The following SLC35F1 variants were observed in gnomAD, a reference collection of about 807,000 sequenced individuals.
SLC35F1 encodes solute carrier family 35 member F1.
A neutral mutation model predicts 48.7 loss-of-function variants in SLC35F1; 14 were observed. The observed-to-expected ratio is 0.29, with a 90% CI of 0.19 to 0.45. The LOEUF is 0.45. Ranked by LOEUF, SLC35F1 falls within the 20% of genes least tolerant of loss-of-function variation. The pLI is 1.00. For missense variants in SLC35F1, 404 were observed against 500.0 expected (o/e 0.81, Z 1.83); for synonymous variants, 190 against 202.2 (o/e 0.94, Z 0.51).
At chr6:117,951,160 C>T (rs1362247129) in intron 1 of SLC35F1, among the ~76,000 whole-genome samples, 1 of 152,074 alleles carries the variant, frequency 6.6e-6, no homozygotes, top group Non-Finnish European at 1.5e-5. Context: ...GCACAGAGCC[C>T]AGAATCCTTC....
chr6:118,066,776 C>A (rs1582646890), intron 1 of SLC35F1, among the ~76,000 whole-genome samples: 1 of 140,928 alleles, frequency 7.1e-6, no homozygotes, highest in Non-Finnish European at 1.5e-5. Flanking sequence ...GACAGAGTCT[C>A]GCTCTGTCAC....
At chr6:118,308,401 G>A (rs563323362) in intron 7 of SLC35F1, among the ~76,000 whole-genome samples, 1 of 152,172 alleles carries the variant, frequency 6.6e-6, no homozygotes, top group Non-Finnish European at 1.5e-5. Flanking sequence ...GGAATAATGT[G>A]CCTGTTGAAA....
intron 1 of SLC35F1, among the ~76,000 whole-genome samples, chr6:118,059,623 G>A (rs1391773929): frequency 6.6e-6 from 1 of 152,172 alleles, no homozygotes; most frequent in Non-Finnish European, 1.5e-5. Context: ...AAACCCAGGT[G>A]TGGGAAGTAC....
At chr6:118,123,807 T>G (rs1349244565) in intron 1 of SLC35F1, among the ~76,000 whole-genome samples, 1 of 152,180 alleles carries the variant, frequency 6.6e-6, no homozygotes, top group Non-Finnish European at 1.5e-5. Flanking sequence ...TGAGTCAAAA[T>G]GGTAATTCTA....
intron 7 of SLC35F1, among the ~76,000 whole-genome samples, chr6:118,309,142 T>C (rs1156863024): frequency 6.6e-6 from 1 of 151,178 alleles, no homozygotes; most frequent in African/African-American, 2.4e-5. Context: ...AGGCAGATGG[T>C]ATCAGGTCAC....
At chr6:118,052,439 A>G (rs977330525) in intron 1 of SLC35F1, among the ~76,000 whole-genome samples, 1 of 152,208 alleles carries the variant, frequency 6.6e-6, no homozygotes, top group Non-Finnish European at 1.5e-5. Context: ...CCTAGTTACT[A>G]TTGCACAAAG....
chr6:117,916,327 T>C (rs893459065), intron 1 of SLC35F1, among the ~76,000 whole-genome samples: 1 of 152,250 alleles, frequency 6.6e-6, no homozygotes, highest in Admixed American at 6.5e-5. Context: ...AAAAGTATTG[T>C]CTTCTATGAA....
intron 1 of SLC35F1, among the ~76,000 whole-genome samples, chr6:117,923,619 GTATATATACA>G (rs1562238493): frequency 1.7e-4 from 3 of 18,060 alleles, no homozygotes; most frequent in Admixed American, 2.1e-3. Flanking sequence ...ATATACATAT[GTATATATACA>G]TATATGTACA....
Position 117,923,619 on chromosome 6 carries a change from GTATATATA to G in SLC35F1, c.173+15721_173+15728del, listed in dbSNP as rs1562238491. 3.3e-3 allele frequency among the ~76,000 whole-genome samples: 59 copies of G among 18,060 alleles called. 11 individuals are homozygous for G. In the East Asian group the frequency reaches 0.057, roughly 18 times the overall value. 11.8% of individuals were successfully genotyped at this position (18,060 alleles called of 152,430 possible). A position where few individuals can be genotyped will look rare whatever the true frequency, so the allele number is the denominator to read the frequency against. ...TATGTGTATATATACATATACATATGTATATATACATATATGTACATATGTACATATGT... is the reference window on the plus strand; with the variant it reads ...TATGTGTATATATACATATACATATGCATATATGTACATATGTACATATGT... On this transcript the variant is annotated intron_variant, in intron 1 of 7. Coordinates refer to ENST00000360388, the MANE Select transcript of SLC35F1 (RefSeq NM_001029858.4).
chr6:118,097,162 GCCACAT>G lies in SLC35F1; in HGVS notation c.174-57282_174-57277del, dbSNP rs201496541. On this transcript the variant is annotated intron_variant, in intron 1 of 7. Coordinates refer to ENST00000360388, the MANE Select transcript of SLC35F1 (RefSeq NM_001029858.4). ...CTGCTTCCAGTTGCCCCAGGATAAG[GCCACAT>G]TCTGAAAACGACCTACAAAGTTCCC... Among the ~76,000 whole-genome samples the G allele has an allele frequency of 3.4e-3, 514 of 152,166 alleles. 21 individuals carry two copies. Among genetic ancestry groups the G allele is most frequent in the Admixed American group, 0.029 (449 of 15,276 alleles).
intron 1 of SLC35F1, among the ~76,000 whole-genome samples, chr6:117,943,261 G>A (rs1185727536): frequency 6.6e-6 from 1 of 152,138 alleles, no homozygotes; most frequent in African/African-American, 2.4e-5. Context: ...CACATTTCCT[G>A]AATCAATTTA....
chr6:118,257,669 A>G (rs761373792), intron 3 of SLC35F1, among the ~76,000 whole-genome samples: 7 of 152,334 alleles, frequency 4.6e-5, no homozygotes, highest in Non-Finnish European at 1.0e-4. Context: ...AGCATCCAAC[A>G]TTAAAGAAGA....
At chr6:118,194,901 T>TC (rs1774780551) in intron 2 of SLC35F1, among the ~76,000 whole-genome samples, 1 of 152,068 alleles carries the variant, frequency 6.6e-6, no homozygotes, top group Non-Finnish European at 1.5e-5. Context: ...CTTTTTTTTT[T>TC]CCCCTCTCTG....
At chr6:118,016,101 T>C (rs979613608) in intron 1 of SLC35F1, among the ~76,000 whole-genome samples, 1 of 152,206 alleles carries the variant, frequency 6.6e-6, no homozygotes, top group Non-Finnish European at 1.5e-5. Flanking sequence ...CAGGCACCCA[T>C]TCTCTAGTTT....
At chr6:118,257,359 T>C (rs1775659159) in intron 3 of SLC35F1, among the ~76,000 whole-genome samples, 1 of 150,796 alleles carries the variant, frequency 6.6e-6, no homozygotes, top group Admixed American at 6.8e-5. Context: ...TGTCCCTTGC[T>C]GGAAAGACCC....
At chr6:118,219,533 G>A (rs9374723) in intron 2 of SLC35F1, among the ~76,000 whole-genome samples, 44,476 of 152,020 alleles carry the variant, frequency 0.29, 7,540 homozygotes, top group East Asian at 0.63. Context: ...CGAGGATGTG[G>A]AGAAATAGGA....
chr6:118,130,318 G>A lies in SLC35F1; in HGVS notation c.174-24127G>A, dbSNP rs77620826. ...AGTCTAGATACGCTTCTTAAGAGGCGTGTGCTTCAGTTTCTTCATCTGCAA... is the reference window on the plus strand; with the variant it reads ...AGTCTAGATACGCTTCTTAAGAGGCATGTGCTTCAGTTTCTTCATCTGCAA... On this transcript the variant is annotated intron_variant, in intron 1 of 7. Coordinates refer to ENST00000360388, the MANE Select transcript of SLC35F1 (RefSeq NM_001029858.4). Among the ~76,000 whole-genome samples the A allele has an allele frequency of 4.4e-3, 673 of 152,188 alleles. 6 individuals are homozygous for A. The highest frequency in any genetic ancestry group is 0.015 in the African/African-American group (618 of 41,522).
At chr6:117,922,110 T>C (rs968369148) in intron 1 of SLC35F1, among the ~76,000 whole-genome samples, 5 of 152,194 alleles carry the variant, frequency 3.3e-5, no homozygotes, top group Admixed American at 6.5e-5. Context: ...AGTACTTTTT[T>C]TCTAAAAGAA....
At chr6:118,034,781 A>G (rs1772103494) in intron 1 of SLC35F1, among the ~76,000 whole-genome samples, 1 of 151,510 alleles carries the variant, frequency 6.6e-6, no homozygotes, top group South Asian at 2.1e-4. Flanking sequence ...ATCCTCCCAG[A>G]CTCTTTATTT....
Sources: gnomAD v4.1 joint callset for allele counts (sites outside exome capture counted in the v4.1 genomes callset) on GRCh38, gnomAD v4.1.1 for gene constraint, MANE v1.5 for transcripts, NCBI Gene and HGNC (gene_info 2026-07-23, HGNC 2026-07-21) for gene names.